KAT14: variants seen among roughly 807,000 people sequenced by gnomAD.
The protein encoded by KAT14 is lysine acetyltransferase 14.
In KAT14, 66 loss-of-function variants were observed where a neutral mutation model predicts 78.4. That is an observed-to-expected ratio of 0.84 (90% CI 0.69 to 1.03). The LOEUF is 1.03. Ranked by LOEUF, KAT14 falls within the 50% of genes least tolerant of loss-of-function variation. KAT14 has a pLI of 0.00. For synonymous variants in KAT14, 344 were observed against 359.4 expected, an observed-to-expected ratio of 0.96 and a Z score of 0.48; for missense variants, 870 against 972.5, an observed-to-expected ratio of 0.89 and a Z score of 1.40.
chr20:18,172,676 G>GGT (rs931286959), intron 7 of KAT14, among the ~76,000 whole-genome samples: 1 of 152,194 alleles, frequency 6.6e-6, no homozygotes, highest in African/African-American at 2.4e-5. Flanking sequence ...ATGTCTCTGA[G>GGT]GTGTGCCTAT....
chr20:18,142,984 TGAAA>T (rs1158873803), intron 2 of KAT14, 65 bp downstream of exon 2: 5 of 1,579,554 alleles, frequency 3.2e-6, no homozygotes, highest in Non-Finnish European at 4.3e-6. Flanking sequence ...TTCCAACCTG[TGAAA>T]GAAACGTGAA....
intron 4 of KAT14, among the ~76,000 whole-genome samples, chr20:18,156,109 A>G (rs1210587580): frequency 6.6e-6 from 1 of 152,042 alleles, no homozygotes; most frequent in Non-Finnish European, 1.5e-5. Flanking sequence ...CCTTGAGGAC[A>G]TTATGCTGTG....
intron 4 of KAT14, among the ~76,000 whole-genome samples, chr20:18,156,560 C>T (rs752121537): frequency 2.6e-5 from 4 of 152,140 alleles, no homozygotes; most frequent in Non-Finnish European, 5.9e-5. Flanking sequence ...GATGCTGTAA[C>T]ACAAACTGGA....
chr20:18,151,429 A>G (rs1432683758), intron 4 of KAT14, among the ~76,000 whole-genome samples: 1 of 151,336 alleles, frequency 6.6e-6, no homozygotes, highest in Non-Finnish European at 1.5e-5. Flanking sequence ...ACTCCTGACC[A>G]CAAGTGATCT....
At chr20:18,147,553 C>T (rs1306027295) in intron 3 of KAT14, among the ~76,000 whole-genome samples, 1 of 152,098 alleles carries the variant, frequency 6.6e-6, no homozygotes, top group Admixed American at 6.5e-5. Context: ...AATATTGGCT[C>T]ACTTTGCATA....
At position 18,137,896 on chromosome 20, in the gene KAT14, T is replaced by C; in HGVS notation, c.-609T>C. The C allele has an allele frequency of 1.4e-6, 2 of 1,433,748 alleles. No individual in the cohort carries two copies. The highest frequency in any genetic ancestry group is 2.7e-5 in the Admixed American group (1 of 36,500). 88.8% of individuals were successfully genotyped at this position (1,433,748 alleles called of 1,614,324 possible). A position where few individuals can be genotyped will look rare whatever the true frequency, so the allele number is the denominator to read the frequency against. ...GCAGTACAGGCGGCGGTGCGCACTC[T>C]GCGGCGGCCTCTGCGCCTCGGGCGG... is the stretch of plus-strand genomic sequence containing the variant. On this transcript the variant is annotated 5_prime_UTR_variant, in exon 1 of 11. Transcript: ENST00000688188.
rs1478493371 is a variant in KAT14, at chr20:18,162,215, A to T, written c.1075A>T (p.Met359Leu). Residue 359 changes from methionine to leucine, a missense_variant, in exon 6 of 11, where the codon ATG becomes TTG. Transcript: ENST00000688188. Reference sequence around the variant, plus strand: ...AGAAGCAGATCTGATTCCAGATGTGATGCCCCCACAAGCCTTGTTTCATGG... The same window carrying T: ...AGAAGCAGATCTGATTCCAGATGTGTTGCCCCCACAAGCCTTGTTTCATGG... ...LSEADLIPDV[M>L]PPQALFHDDD... 2.5e-6 allele frequency: 4 copies of T among 1,613,944 alleles called. No individual in the cohort carries two copies. Among genetic ancestry groups the T allele is most frequent in the Non-Finnish European group, 3.4e-6 (4 of 1,180,042 alleles).
intron 7 of KAT14, among the ~76,000 whole-genome samples, chr20:18,180,851 C>G (rs1197469622): frequency 2.0e-5 from 3 of 152,178 alleles, no homozygotes; most frequent in Non-Finnish European, 4.4e-5. Flanking sequence ...CCCACCAGGT[C>G]CCTCCCACAA....
chr20:18,142,699 G>C lies in KAT14; in HGVS notation c.39G>C (p.Arg13=). 1 of 1,614,194 alleles carries C rather than the reference G, an allele frequency of 6.2e-7. No homozygotes were observed. The highest frequency in any genetic ancestry group is 8.5e-7 in the Non-Finnish European group (1 of 1,180,046). ...TCCACCTGAGTAGTCTGATCAGTCG[G>C]CATGATGACGAAGCCACGAGAACAT... is the stretch of plus-strand genomic sequence containing the variant. The part of the protein sequence containing the change: ...SSIHLSSLIS[R]HDDEATRTST... Residue 13 remains arginine, a synonymous_variant, in exon 2 of 11, where the codon CGG becomes CGC. Coordinates refer to ENST00000688188, the MANE Select transcript of KAT14 (RefSeq NM_001392073.1).
At chr20:18,165,551 G>A (rs2038608496) in intron 7 of KAT14, among the ~76,000 whole-genome samples, 1 of 152,132 alleles carries the variant, frequency 6.6e-6, no homozygotes. Context: ...CTGACATTTG[G>A]CCTCTAGAAC....
chr20:18,150,871 A>G lies in KAT14; in HGVS notation c.429A>G (p.Gln143=), dbSNP rs751891529. The change falls in exon 4 of 11, where the codon CAA becomes CAG. Residue 143 remains glutamine (Q), a synonymous_variant. Transcript: ENST00000688188. Reference sequence around the variant, plus strand: ...TGTCTCTGGAAGGAAGTGGACGTCAAGGTTATTTCAGGTGGAAAGAAGATA... The same window carrying G: ...TGTCTCTGGAAGGAAGTGGACGTCAGGGTTATTTCAGGTGGAAAGAAGATA... ...YNLSLEGSGR[Q]GYFRWKEDIC... is the part of the protein sequence containing the mutation. 6.2e-6 allele frequency: 10 copies of G among 1,614,072 alleles called. No homozygotes were observed. In the Middle Eastern group the frequency reaches 4.9e-4, roughly 80 times the overall value.
At chr20:18,139,595 G>T (rs1438972354) in intron 1 of KAT14, among the ~76,000 whole-genome samples, 1 of 151,782 alleles carries the variant, frequency 6.6e-6, no homozygotes, top group East Asian at 1.9e-4. Context: ...GAGTGGAAAA[G>T]TGGTTATTTG....
rs776179008 is a variant in KAT14, at chr20:18,162,358, T to C, written c.1100-19T>C. 3 of 1,603,988 alleles carry C rather than the reference T, an allele frequency of 1.9e-6. No homozygotes were observed. Among genetic ancestry groups the C allele is most frequent in the South Asian group, 1.1e-5 (1 of 89,642 alleles). On this transcript the variant is annotated intron_variant, in intron 6 of 10. Transcript: ENST00000688188. The stretch of plus-strand genomic sequence containing the variant: ...CTTCCTTCCTATGTCTTGATGACAC[T>C]GTTTTGTACTCTGCACAGATGACGA...
At chr20:18,164,692 T>C (rs1240892020) in intron 7 of KAT14, among the ~76,000 whole-genome samples, 2 of 151,022 alleles carry the variant, frequency 1.3e-5, no homozygotes, top group Non-Finnish European at 2.9e-5. Context: ...CCACAGCTCA[T>C]TGCAGCCCCG....
chr20:18,160,654 C>T (rs1202918284), intron 5 of KAT14, among the ~76,000 whole-genome samples: 1 of 151,854 alleles, frequency 6.6e-6, no homozygotes, highest in Non-Finnish European at 1.5e-5. Context: ...GCCATGTTTC[C>T]TGGGCTGGTC....
At chr20:18,137,818 G>T, upstream of KAT14, 1 of 904,948 alleles carries the variant, frequency 1.1e-6, no homozygotes, top group Non-Finnish European at 1.5e-6. Flanking sequence ...GCCTGGCAGC[G>T]GCGAGCGGCG....
chr20:18,138,047 A>C lies in KAT14; in HGVS notation c.-458A>C, dbSNP rs1018900682. ...GTACATGTGAAGCAGCAGTGGGACC[A>C]GCAGGTCGGTGTCACGTGACCGTCT... On this transcript the variant is annotated 5_prime_UTR_variant, in exon 1 of 11. Transcript: ENST00000688188. The C allele has an allele frequency of 4.2e-5, 62 of 1,484,012 alleles. No homozygotes were observed. The highest frequency in any genetic ancestry group is 5.2e-5 in the Non-Finnish European group (58 of 1,123,792). The allele number at this position is 1,484,012 out of a possible 1,614,324, so 91.9% of individuals were successfully genotyped here.
At chr20:18,159,294 G>T (rs750845357) in intron 5 of KAT14, 29 bp downstream of exon 5, 98 of 1,605,834 alleles carry the variant, frequency 6.1e-5, no homozygotes, top group Non-Finnish European at 7.7e-5. Context: ...TACAAAAGTT[G>T]CTAGTCAGAC....
chr20:18,176,627 G>T (rs972511064), intron 7 of KAT14, among the ~76,000 whole-genome samples: 1 of 151,480 alleles, frequency 6.6e-6, no homozygotes, highest in African/African-American at 2.4e-5. Flanking sequence ...AGGCCCAGGC[G>T]CAGGCCCTGA....
Sources: gnomAD v4.1 joint callset for allele counts (sites outside exome capture counted in the v4.1 genomes callset) on GRCh38, gnomAD v4.1.1 for gene constraint, MANE v1.5 for transcripts, NCBI Gene and HGNC (gene_info 2026-07-23, HGNC 2026-07-21) for gene names.